The following EBF3 variants were observed in gnomAD, a reference collection of about 807,000 sequenced individuals.
EBF3 encodes the protein transcription factor COE3.
In EBF3, 18 loss-of-function variants were observed where a neutral mutation model predicts 77.1. That is an observed-to-expected ratio of 0.23 (90% CI 0.16 to 0.35). The LOEUF is 0.35. EBF3 is among the 10% of genes least tolerant of loss of function. The pLI is 1.00. For synonymous variants in EBF3, 350 were observed against 343.5 expected, an observed-to-expected ratio of 1.02 and a Z score of -0.21; for missense variants, 558 against 860.0, an observed-to-expected ratio of 0.65 and a Z score of 4.39.
intron 6 of EBF3, among the ~76,000 whole-genome samples, chr10:129,930,299 TCCCTTAACAAATC>T (rs1229412086): frequency 6.6e-6 from 1 of 152,142 alleles, no homozygotes; most frequent in Non-Finnish European, 1.5e-5. Context: ...GTGAGCCAAT[TCCCTTAACAAATC>T]CCCCTCTCAT....
chr10:129,880,060 T>G (rs1853084118), intron 6 of EBF3, among the ~76,000 whole-genome samples: 1 of 152,178 alleles, frequency 6.6e-6, no homozygotes, highest in African/African-American at 2.4e-5. Flanking sequence ...TTTCTTGATG[T>G]CTTTTAGACA....
rs749364411 is a variant in EBF3 at position 129,873,644 on chromosome 10, G to A, written c.637-48C>T. ...AAAATGGAATTGGCAAAGAAAAGCAGAGCCCCCTGTTAGGCAAAATACAAG... is the reference window on the plus strand; with the variant it reads ...AAAATGGAATTGGCAAAGAAAAGCAAAGCCCCCTGTTAGGCAAAATACAAG... On this transcript the variant is annotated intron_variant, in intron 7 of 16. Transcript: ENST00000440978. 8.9e-6 allele frequency: 13 copies of A among 1,453,692 alleles called. No homozygotes were observed. The East Asian group carries it at 3.0e-4, about 34-fold the overall frequency. 90.0% of individuals were successfully genotyped at this position (1,453,692 alleles called of 1,614,324 possible).
intron 6 of EBF3, among the ~76,000 whole-genome samples, chr10:129,924,794 G>T (rs930304672): frequency 1.3e-5 from 2 of 152,128 alleles, no homozygotes; most frequent in Admixed American, 1.3e-4. Context: ...AGCCTCTTGA[G>T]TAGCTGTGAC....
chr10:129,951,172 G>C (rs892829401), intron 6 of EBF3, among the ~76,000 whole-genome samples: 15 of 152,194 alleles, frequency 9.9e-5, no homozygotes, highest in Non-Finnish European at 2.1e-4. Context: ...ATCACGAGAA[G>C]GCCTCTGGCC....
rs1022295552 is a variant in EBF3 at position 129,837,897 on chromosome 10, G to C, written c.*46C>G. 6.2e-6 allele frequency: 10 copies of C among 1,613,998 alleles called. No individual in the cohort carries two copies. In the African/African-American group the frequency reaches 6.7e-5, roughly 11 times the overall value. ...TGTCCCCTGAAGTCCGTCCTTTGAT[G>C]CTGGGTGCTGCGGAAGGTAAACAGA... On this transcript the variant is annotated 3_prime_UTR_variant, in exon 17 of 17. Transcript: ENST00000440978.
At chr10:129,880,929 G>A (rs1388728514) in intron 6 of EBF3, among the ~76,000 whole-genome samples, 2 of 152,214 alleles carry the variant, frequency 1.3e-5, no homozygotes, top group African/African-American at 4.8e-5. Context: ...CTTTCACGAG[G>A]AGGTGCTCAG....
chr10:129,950,363 G>T (rs971003225), intron 6 of EBF3, among the ~76,000 whole-genome samples: 2 of 152,206 alleles, frequency 1.3e-5, no homozygotes, highest in Non-Finnish European at 2.9e-5. Context: ...AACTTCCAGC[G>T]AAGGAATTGG....
At position 129,886,033 on chromosome 10, in the gene EBF3, AT is replaced by A. The variant is rs59542647; in HGVS notation, c.555-8185del. ...TGAGGGGGTGTTGTTTTTGGTTTTA[AT>A]TTTTTTTTTTTTTTTTTTTTTTTTT... On this transcript the variant is annotated intron_variant, in intron 6 of 16. Coordinates refer to ENST00000440978, the MANE Select transcript of EBF3 (RefSeq NM_001375380.1). Among the ~76,000 whole-genome samples, 1,348 of 125,752 alleles carry A rather than the reference AT, an allele frequency of 0.011. 12 individuals carry two copies. In the East Asian group the frequency reaches 0.15, roughly 14 times the overall value. The allele number at this position is 125,752 out of a possible 152,430, so 82.5% of individuals were successfully genotyped here. A position where few individuals can be genotyped will look rare whatever the true frequency, so the allele number is the denominator to read the frequency against.
At chr10:129,933,560 TC>T (rs1857168345) in intron 6 of EBF3, among the ~76,000 whole-genome samples, 1 of 152,168 alleles carries the variant, frequency 6.6e-6, no homozygotes, top group South Asian at 2.1e-4. Context: ...CCGCTGAGGC[TC>T]AAGTGGTCCC....
In EBF3 at chr10:129,942,617, C is replaced by G. The variant is rs906300306; in HGVS notation, c.554+14641G>C. ...GGCACTGGGGAAAATTGGGGACTAC[C>G]ACGTCCACACAGGGTGCATTCCAGA... On this transcript the variant is annotated intron_variant, in intron 6 of 16. Coordinates refer to ENST00000440978, the MANE Select transcript of EBF3 (RefSeq NM_001375380.1). Among the ~76,000 whole-genome samples the G allele has an allele frequency of 2.0e-5, 3 of 152,266 alleles. 1 individual carries two copies. In the South Asian group the frequency reaches 6.2e-4, roughly 32 times the overall value.
chr10:129,871,608 G>A (rs1852414427), intron 8 of EBF3, among the ~76,000 whole-genome samples: 1 of 152,168 alleles, frequency 6.6e-6, no homozygotes. Flanking sequence ...GAGGGAAGGG[G>A]TTTGGGGGAC....
In EBF3 at chr10:129,943,391, T is replaced by C. The variant is rs1272520090; in HGVS notation, c.554+13867A>G. On this transcript the variant is annotated intron_variant, in intron 6 of 16. Transcript: ENST00000440978. The surrounding 1 kb of genome is among the most constrained non-coding windows in gnomAD (Gnocchi z 8.8). Reference sequence around the variant, plus strand: ...TATTGTCTTAAGCACAAGAAGGTTGTCTTATAGGCTTGGCTGGATAATTTC... The same window carrying C: ...TATTGTCTTAAGCACAAGAAGGTTGCCTTATAGGCTTGGCTGGATAATTTC... Among the ~76,000 whole-genome samples, 4 of 152,272 alleles carry C rather than the reference T, an allele frequency of 2.6e-5. No homozygotes were observed. The highest frequency in any genetic ancestry group is 4.4e-5 in the Non-Finnish European group (3 of 68,052).
At chr10:129,920,348 C>T (rs1301337642) in intron 6 of EBF3, among the ~76,000 whole-genome samples, 1 of 151,924 alleles carries the variant, frequency 6.6e-6, no homozygotes, top group African/African-American at 2.4e-5. Context: ...GCCACAAACC[C>T]GCCCCGCTGT....
Position 129,963,288 on chromosome 10 carries a change from A to G in EBF3, c.291+79T>C, listed in dbSNP as rs1418623528. On this transcript the variant is annotated intron_variant, in intron 2 of 16. Coordinates refer to ENST00000440978, the MANE Select transcript of EBF3 (RefSeq NM_001375380.1). This position sits in a 1 kb window ranked among gnomAD's most constrained non-coding sequence, Gnocchi z 7.1. Reference sequence around the variant, plus strand: ...AGCCGAGCCCGCCGCCTAGGGGGGCACTCGAACCCCCGCGCACCGGCACCG... The same window carrying G: ...AGCCGAGCCCGCCGCCTAGGGGGGCGCTCGAACCCCCGCGCACCGGCACCG... 11 of 1,533,694 alleles carry G rather than the reference A, an allele frequency of 7.2e-6. No homozygotes were observed. The highest frequency in any genetic ancestry group is 6.0e-5 in the Admixed American group (3 of 50,070).
chr10:129,873,012 G>C (rs868028596), intron 8 of EBF3, among the ~76,000 whole-genome samples: 1 of 151,820 alleles, frequency 6.6e-6, no homozygotes, highest in African/African-American at 2.4e-5. Flanking sequence ...GCACATACAC[G>C]TGGATCACAT....
rs543399393 is a variant in EBF3 at position 129,962,042 on chromosome 10, A to G, written c.411+129T>C. The G allele has an allele frequency of 3.6e-5, 29 of 809,774 alleles. No individual in the cohort carries two copies. The South Asian group carries it at 5.0e-4, about 14-fold the overall frequency. 50.2% of individuals were successfully genotyped at this position (809,774 alleles called of 1,614,324 possible). A position where few individuals can be genotyped will look rare whatever the true frequency, so the allele number is the denominator to read the frequency against. ...TCATTCCAATAAATATGGAATTCTC[A>G]TTAGCATGTCAAGGAAACTCAATGG... On this transcript the variant is annotated intron_variant, in intron 4 of 16. Transcript: ENST00000440978.
chr10:129,847,978 CAA>C (rs1366631504), intron 11 of EBF3, among the ~76,000 whole-genome samples: 2 of 152,234 alleles, frequency 1.3e-5, no homozygotes, highest in African/African-American at 2.4e-5. Context: ...GAAAGGAAAA[CAA>C]GAGTCAAGTA....
rs1457614290 is a variant in EBF3, at chr10:129,963,225, G to A, written c.291+142C>T. 6.3e-6 allele frequency: 8 copies of A among 1,273,768 alleles called. No individual in the cohort carries two copies. The highest frequency in any genetic ancestry group is 7.2e-6 in the Non-Finnish European group (7 of 970,944). The allele number at this position is 1,273,768 out of a possible 1,614,324, so 78.9% of individuals were successfully genotyped here. The stretch of plus-strand genomic sequence containing the variant: ...AAGTTGCCCAGCCCTCGGCGGTCCC[G>A]GGCGGCCGCACGTGGCGGCGGCGGG... On this transcript the variant is annotated intron_variant, in intron 2 of 16. Transcript: ENST00000440978. The surrounding 1 kb of genome is among the most constrained non-coding windows in gnomAD (Gnocchi z 7.1).
At chr10:129,911,016 A>G (rs865816119) in intron 6 of EBF3, among the ~76,000 whole-genome samples, 5 of 152,188 alleles carry the variant, frequency 3.3e-5, no homozygotes, top group South Asian at 4.1e-4. Flanking sequence ...CCACCAGCAC[A>G]TCATGATGGG....
Sources: gnomAD v4.1 joint callset for allele counts (sites outside exome capture counted in the v4.1 genomes callset) on GRCh38, gnomAD v4.1.1 for gene constraint, Gnocchi (gnomAD v3.1) non-coding constraint, MANE v1.5 for transcripts, NCBI Gene and HGNC (gene_info 2026-07-23, HGNC 2026-07-21) for gene names.